The following UQCC1 variants were observed in gnomAD, a reference collection of about 807,000 sequenced individuals.
UQCC1 encodes ubiquinol-cytochrome c reductase complex assembly factor 1, also known as bFGF-repressed Zic-binding protein.
A neutral mutation model predicts 48.0 loss-of-function variants in UQCC1; 38 were observed. That is an observed-to-expected ratio of 0.79 (90% CI 0.61 to 1.04). The LOEUF (loss-of-function observed/expected upper bound fraction) is 1.04. Among genes scored for constraint, UQCC1 ranks in the 50% least tolerant of loss-of-function variants. The pLI is 0.00. For missense variants in UQCC1, 368 were observed against 381.8 expected, an observed-to-expected ratio of 0.96 and a Z score of 0.30; for synonymous variants, 111 against 129.2, an observed-to-expected ratio of 0.86 and a Z score of 0.95.
chr20:35,307,921 TAAG>T (rs1250457940), intron 8 of UQCC1, among the ~76,000 whole-genome samples: 18 of 152,220 alleles, frequency 1.2e-4, no homozygotes, highest in Non-Finnish European at 2.9e-5. Flanking sequence ...ATGCGGCCTT[TAAG>T]AAGCTATTAG....
At chr20:35,372,799 G>A (rs2061750114) in intron 5 of UQCC1, among the ~76,000 whole-genome samples, 1 of 152,174 alleles carries the variant, frequency 6.6e-6, no homozygotes, top group African/African-American at 2.4e-5. Flanking sequence ...AAACTGGGAG[G>A]TGGAGGTAGC....
intron 7 of UQCC1, among the ~76,000 whole-genome samples, chr20:35,337,008 G>A (rs528483089): frequency 6.6e-4 from 101 of 152,140 alleles, no homozygotes; most frequent in Non-Finnish European, 1.2e-3. Context: ...AAAGACACCC[G>A]AGTTCTACTC....
chr20:35,380,980 A>C (rs1341195203), intron 4 of UQCC1, among the ~76,000 whole-genome samples: 1 of 152,182 alleles, frequency 6.6e-6, no homozygotes, highest in Non-Finnish European at 1.5e-5. Flanking sequence ...CCAATTTTCC[A>C]ATTTGGGATG....
chr20:35,335,280 T>C (rs1425066695), intron 7 of UQCC1, among the ~76,000 whole-genome samples: 1 of 152,200 alleles, frequency 6.6e-6, no homozygotes, highest in Non-Finnish European at 1.5e-5. Context: ...TGAAAACTTA[T>C]GTTCAGACAT....
chr20:35,330,160 C>T (rs2061240943), intron 7 of UQCC1, among the ~76,000 whole-genome samples: 2 of 152,198 alleles, frequency 1.3e-5, no homozygotes, highest in African/African-American at 4.8e-5. Flanking sequence ...TGATTGGAGG[C>T]TTTTCCCAGC....
intron 7 of UQCC1, among the ~76,000 whole-genome samples, chr20:35,324,752 A>G (rs1384939384): frequency 6.6e-6 from 1 of 152,278 alleles, no homozygotes; most frequent in Non-Finnish European, 1.5e-5. Context: ...GTAAAATGGT[A>G]CAGCCACTGT....
intron 1 of UQCC1, among the ~76,000 whole-genome samples, chr20:35,406,588 C>G (rs532464240): frequency 2.0e-5 from 3 of 152,250 alleles, no homozygotes; most frequent in Admixed American, 1.3e-4. Flanking sequence ...ACTTGCCCTG[C>G]AAGAATAAGG....
At chr20:35,388,304 T>TC (rs2061971830) in intron 2 of UQCC1, among the ~76,000 whole-genome samples, 4 of 50,590 alleles carry the variant, frequency 7.9e-5, no homozygotes, top group African/African-American at 8.6e-5. Context: ...TTTTTCTTTT[T>TC]TTTTGAGACA....
chr20:35,366,882 T>C (rs1452434224), intron 5 of UQCC1, among the ~76,000 whole-genome samples: 1 of 151,886 alleles, frequency 6.6e-6, no homozygotes, highest in Non-Finnish European at 1.5e-5. Context: ...TCACCTCAGG[T>C]CAGGAGATCA....
intron 1 of UQCC1, among the ~76,000 whole-genome samples, chr20:35,399,030 A>G (rs2062122587): frequency 6.6e-6 from 1 of 152,198 alleles, no homozygotes; most frequent in African/African-American, 2.4e-5. Context: ...CAGAAAGGGT[A>G]ATCCCAAGTC....
chr20:35,306,678 A>G lies in UQCC1; in HGVS notation c.753T>C (p.Tyr251=). The G allele has an allele frequency of 6.2e-7, 1 of 1,613,678 alleles. No homozygotes were observed. Among genetic ancestry groups the G allele is most frequent in the Non-Finnish European group, 8.5e-7 (1 of 1,179,882 alleles). The change falls in exon 9 of 10, where the codon TAT becomes TAC. Residue 251 remains tyrosine (Y), a synonymous_variant. Transcript: ENST00000374385. ...AAGGGTCACTCACCTGTTTCCTCAC[A>G]TACTCTACCAGCAATTCAAGATGTC... The part of the protein sequence containing the change: ...DPRHLELLVE[Y]VRKQIQYLDS...
intron 7 of UQCC1, among the ~76,000 whole-genome samples, chr20:35,331,983 G>A (rs138540543): frequency 6.6e-6 from 1 of 152,320 alleles, no homozygotes; most frequent in East Asian, 1.9e-4. Context: ...AGGATGGAAT[G>A]GAGACAATGA....
intron 8 of UQCC1, among the ~76,000 whole-genome samples, chr20:35,309,570 C>T (rs2060967729): frequency 6.6e-6 from 1 of 152,144 alleles, no homozygotes. Context: ...GAAAGCAGAA[C>T]TGGAAGAAGG....
chr20:35,374,373 T>C, intron 4 of UQCC1, 117 bp from the exon 5 acceptor site: 1 of 648,790 alleles, frequency 1.5e-6, no homozygotes. Flanking sequence ...TCCAAACCAC[T>C]CTCTAGGTAA....
chr20:35,388,313 C>T, intron 2 of UQCC1, among the ~76,000 whole-genome samples: 1 of 1,810 alleles, frequency 5.5e-4, no homozygotes. Flanking sequence ...TTTTTTGAGA[C>T]AGGGTCTTGC....
intron 6 of UQCC1, among the ~76,000 whole-genome samples, chr20:35,360,821 T>C (rs1468693352): frequency 6.6e-6 from 1 of 152,104 alleles, no homozygotes; most frequent in Non-Finnish European, 1.5e-5. Flanking sequence ...TGGTGATCCG[T>C]AAATGTTTGC....
At chr20:35,335,909 G>A (rs929471374) in intron 7 of UQCC1, among the ~76,000 whole-genome samples, 1 of 152,186 alleles carries the variant, frequency 6.6e-6, no homozygotes, top group African/African-American at 2.4e-5. Flanking sequence ...TAGGCGTGGT[G>A]GCTTATGCCC....
At chr20:35,328,008 A>AG (rs56996583) in intron 7 of UQCC1, among the ~76,000 whole-genome samples, 12,116 of 130,964 alleles carry the variant, frequency 0.093, 641 homozygotes, top group South Asian at 0.23. Flanking sequence ...CTCACAAAAA[A>AG]AGGAAAAAAA....
At chr20:35,354,853 T>C (rs2061528300) in intron 6 of UQCC1, among the ~76,000 whole-genome samples, 2 of 152,194 alleles carry the variant, frequency 1.3e-5, no homozygotes, top group Admixed American at 1.3e-4. Context: ...ACGAAACCTA[T>C]TTTACCATAG....
Sources: gnomAD v4.1 joint callset for allele counts (sites outside exome capture counted in the v4.1 genomes callset) on GRCh38, gnomAD v4.1.1 for gene constraint, MANE v1.5 for transcripts, NCBI Gene and HGNC (gene_info 2026-07-23, HGNC 2026-07-21) for gene names.